The following WWOX variants were observed in gnomAD, a reference collection of about 807,000 sequenced individuals.
The protein encoded by WWOX is WW domain containing oxidoreductase.
Under a neutral mutation model 46.2 loss-of-function variants are expected in WWOX, and 69 were observed. The ratio of observed to expected loss-of-function variants is 1.49; its 90% CI spans 1.23 to 1.82. The LOEUF (loss-of-function observed/expected upper bound fraction) is 1.82, where lower values mean the gene tolerates loss of function less well. Among genes scored for constraint, WWOX ranks in the 40% most tolerant of loss-of-function variants. WWOX has a pLI of 0.00. For synonymous variants in WWOX, 359 were observed against 202.6 expected, an observed-to-expected ratio of 1.77 and a Z score of -6.56; for missense variants, 919 against 542.6, an observed-to-expected ratio of 1.69 and a Z score of -6.89.
intron 8 of WWOX, among the ~76,000 whole-genome samples, chr16:78,562,123 A>T (rs1340199809): frequency 6.6e-6 from 1 of 152,146 alleles, no homozygotes; most frequent in East Asian, 1.9e-4. Context: ...ATCCAAACAA[A>T]TTGGATGCTC....
At chr16:78,864,887 C>T (rs1479016582) in intron 8 of WWOX, among the ~76,000 whole-genome samples, 1 of 149,878 alleles carries the variant, frequency 6.7e-6, no homozygotes, top group Admixed American at 6.7e-5. Flanking sequence ...TTCAGCCCCC[C>T]GAGTAGCTGG....
intron 8 of WWOX, among the ~76,000 whole-genome samples, chr16:79,176,159 G>A (rs2050795855): frequency 6.6e-6 from 1 of 152,138 alleles, no homozygotes; most frequent in African/African-American, 2.4e-5. Context: ...GTAAGAAATA[G>A]CCCCCAAAAT....
In WWOX at chr16:78,441,157, C is replaced by T. The variant is rs566029685; in HGVS notation, c.1056+8405C>T. ...GGGATTTCAACATGTTGGCCAAGCT[C>T]GTCTCAAACCTGCCTCAGCCTCCCA... On this transcript the variant is annotated intron_variant, in intron 8 of 8. Coordinates refer to ENST00000566780, the MANE Select transcript of WWOX (RefSeq NM_016373.4). 7.3e-5 allele frequency among the ~76,000 whole-genome samples: 11 copies of T among 151,694 alleles called. No homozygotes were observed. In the East Asian group the frequency reaches 7.8e-4, roughly 11 times the overall value.
chr16:78,713,861 C>T lies in WWOX; in HGVS notation c.1056+281109C>T, dbSNP rs142292892. Among the ~76,000 whole-genome samples the T allele has an allele frequency of 4.1e-4, 62 of 152,306 alleles. 1 individual carries two copies. In the East Asian group the frequency reaches 0.01, roughly 25 times the overall value. On this transcript the variant is annotated intron_variant, in intron 8 of 8. Coordinates refer to ENST00000566780, the MANE Select transcript of WWOX (RefSeq NM_016373.4). ...TCTCTGGGGAAACAGATACCTCCGCCAGGGTCCTGATCTGAATATGATTTG... is the reference window on the plus strand; with the variant it reads ...TCTCTGGGGAAACAGATACCTCCGCTAGGGTCCTGATCTGAATATGATTTG...
chr16:78,315,473 A>AC lies in WWOX; in HGVS notation c.517-71382dup, dbSNP rs971858640. 5.9e-5 allele frequency among the ~76,000 whole-genome samples: 9 copies of AC among 152,024 alleles called. No individual in the cohort carries two copies. The East Asian group carries it at 7.8e-4, about 13-fold the overall frequency. On this transcript the variant is annotated intron_variant, in intron 5 of 8. Transcript: ENST00000566780. The stretch of plus-strand genomic sequence containing the variant: ...AGACCAGCCCGGCCAACATGGTGAG[A>AC]CCCCCATCTCTGCTACAGATATAAA...
intron 5 of WWOX, among the ~76,000 whole-genome samples, chr16:78,371,833 C>G (rs1464234357): frequency 1.3e-5 from 2 of 151,760 alleles, no homozygotes; most frequent in African/African-American, 4.8e-5. Flanking sequence ...TTTTATATTT[C>G]TCTCTTTTAA....
chr16:78,575,882 G>T (rs186208971), intron 8 of WWOX, among the ~76,000 whole-genome samples: 1 of 151,526 alleles, frequency 6.6e-6, no homozygotes, highest in African/African-American at 2.4e-5. Flanking sequence ...ATCAATTTTC[G>T]TAAGGTTACA....
intron 8 of WWOX, among the ~76,000 whole-genome samples, chr16:78,679,121 C>G (rs2047670427): frequency 6.6e-6 from 1 of 152,178 alleles, no homozygotes; most frequent in Non-Finnish European, 1.5e-5. Context: ...ACACCAGCGT[C>G]TTGGACCTAG....
intron 4 of WWOX, among the ~76,000 whole-genome samples, chr16:78,131,512 G>T (rs1567589221): frequency 6.6e-6 from 1 of 152,052 alleles, no homozygotes. Flanking sequence ...ACCACATCTG[G>T]CGAAACTCTG....
intron 4 of WWOX, among the ~76,000 whole-genome samples, chr16:78,159,216 T>A (rs2034704102): frequency 6.6e-6 from 1 of 152,072 alleles, no homozygotes. Context: ...TCAGTAGAAA[T>A]TTAGGCTGCT....
At chr16:78,499,628 A>G (rs1412430272) in intron 8 of WWOX, among the ~76,000 whole-genome samples, 1 of 151,950 alleles carries the variant, frequency 6.6e-6, no homozygotes, top group Non-Finnish European at 1.5e-5. Flanking sequence ...CACTAGTTGT[A>G]CCATCTGGTA....
intron 8 of WWOX, among the ~76,000 whole-genome samples, chr16:79,125,315 A>G (rs901889271): frequency 6.6e-6 from 1 of 152,192 alleles, no homozygotes; most frequent in African/African-American, 2.4e-5. Flanking sequence ...GTTGATTTCA[A>G]ACACCCTGAG....
chr16:78,288,552 C>T (rs147089585), intron 5 of WWOX, among the ~76,000 whole-genome samples: 20 of 152,240 alleles, frequency 1.3e-4, no homozygotes, highest in African/African-American at 4.3e-4. Flanking sequence ...GCCTCTCTTT[C>T]CTTAGTCCTG....
intron 5 of WWOX, among the ~76,000 whole-genome samples, chr16:78,273,930 C>T (rs111260449): frequency 0.027 from 4,089 of 152,246 alleles, 75 homozygotes; most frequent in Middle Eastern, 0.088. Context: ...TTAGATCTGG[C>T]ACTCAGGAGG....
At chr16:78,639,565 T>C (rs1485022284) in intron 8 of WWOX, among the ~76,000 whole-genome samples, 1 of 112,864 alleles carries the variant, frequency 8.9e-6, no homozygotes, top group African/African-American at 3.5e-5. Context: ...GGGGCACAGA[T>C]TGGATTTTTT....
chr16:78,608,076 C>T (rs764461999), intron 8 of WWOX, among the ~76,000 whole-genome samples: 1 of 152,086 alleles, frequency 6.6e-6, no homozygotes, highest in Non-Finnish European at 1.5e-5. Flanking sequence ...GGAGATGGAA[C>T]CATTTTAGTG....
At chr16:79,105,645 T>C (rs1401501034) in intron 8 of WWOX, among the ~76,000 whole-genome samples, 1 of 152,064 alleles carries the variant, frequency 6.6e-6, no homozygotes, top group Admixed American at 6.5e-5. Flanking sequence ...TATAGAATAC[T>C]GTGAATGTCT....
At chr16:78,278,832 T>C (rs1375757875) in intron 5 of WWOX, 3 of 650,334 alleles carry the variant, frequency 4.6e-6, no homozygotes, top group East Asian at 5.8e-5. Flanking sequence ...TTTGCAGTTA[T>C]GCTTTACGAC....
intron 8 of WWOX, among the ~76,000 whole-genome samples, chr16:79,088,227 C>G (rs912713961): frequency 1.3e-5 from 2 of 152,156 alleles, no homozygotes; most frequent in Admixed American, 6.5e-5. Flanking sequence ...TTCAAGCAGC[C>G]TAGACTTGGA....
Sources: gnomAD v4.1 joint callset for allele counts (sites outside exome capture counted in the v4.1 genomes callset) on GRCh38, gnomAD v4.1.1 for gene constraint, MANE v1.5 for transcripts, NCBI Gene and HGNC (gene_info 2026-07-23, HGNC 2026-07-21) for gene names.